TRRAP: variants seen among roughly 807,000 people sequenced by gnomAD.
TRRAP encodes the protein transformation/transcription domain-associated protein.
Under a neutral mutation model 438.8 loss-of-function variants are expected in TRRAP, and 41 were observed. The ratio of observed to expected loss-of-function variants is 0.09; its 90% CI spans 0.07 to 0.12. The LOEUF (loss-of-function observed/expected upper bound fraction) is 0.12. TRRAP is among the 10% of genes least tolerant of loss of function. TRRAP has a pLI of 1.00. For missense variants in TRRAP, 3,122 were observed against 5,055.1 expected (o/e 0.62, Z 11.60); for synonymous variants, 1,994 against 1,962.9 (o/e 1.02, Z -0.42).
intron 53 of TRRAP, among the ~76,000 whole-genome samples, chr7:98,974,075 T>A (rs1157899607): frequency 1.3e-5 from 2 of 152,210 alleles, no homozygotes; most frequent in Non-Finnish European, 2.9e-5. Flanking sequence ...TAGCTGGTCC[T>A]CAGTAGGGTG....
In TRRAP at chr7:98,976,234, G is replaced by C. The variant is rs1318205575; in HGVS notation, c.7925G>C (p.Arg2642Thr). 6.2e-7 allele frequency: 1 copy of C among 1,614,194 alleles called. No homozygotes were observed. Residue 2642 changes from arginine (R) to threonine (T), a missense_variant, in exon 54 of 73, where the codon AGA becomes ACA. Arg to Thr is a moderately conservative substitution (Grantham distance 71, BLOSUM62 -1). Coordinates refer to ENST00000456197, the MANE Select transcript of TRRAP (RefSeq NM_001375524.1). The surrounding 1 kb of genome is among the most constrained non-coding windows in gnomAD (Gnocchi z 4.6). ...AAGACGTGGGTCCAGCTTTTCCCCA[G>C]ATTGTGGAAGATCCTCTCTGACAGA... Reference protein sequence around the residue: ...AEKTWVQLFPRLWKILSDRQQ... With the variant: ...AEKTWVQLFPTLWKILSDRQQ...
intron 53 of TRRAP, among the ~76,000 whole-genome samples, chr7:98,973,937 T>TA (rs1437294545): frequency 6.6e-6 from 1 of 152,194 alleles, no homozygotes; most frequent in African/African-American, 2.4e-5. Context: ...TCCCTTCTCC[T>TA]TGGGTTCTTT....
chr7:98,948,804 C>T lies in TRRAP; in HGVS notation c.4788+119C>T. 2 of 1,497,786 alleles carry T rather than the reference C, an allele frequency of 1.3e-6. No homozygotes were observed. Among genetic ancestry groups the T allele is most frequent in the Non-Finnish European group, 1.8e-6 (2 of 1,114,354 alleles). 92.8% of individuals were successfully genotyped at this position (1,497,786 alleles called of 1,614,324 possible). On this transcript the variant is annotated intron_variant, in intron 35 of 72. Transcript: ENST00000456197. The surrounding 1 kb of genome is among the most constrained non-coding windows in gnomAD (Gnocchi z 4.9). ...GTCCTGGCTGCTTTTTTTTCAGATC[C>T]ATTTGAATATTGGAAACAGCATTGC...
chr7:98,947,830 G>T (rs1791154974), intron 33 of TRRAP, among the ~76,000 whole-genome samples: 1 of 152,218 alleles, frequency 6.6e-6, no homozygotes, highest in African/African-American at 2.4e-5. Context: ...TGATACCTTG[G>T]CAAAGTAGGG....
chr7:98,903,250 G>T (rs1045960966), intron 11 of TRRAP, 129 bp from the exon 12 acceptor site: 2 of 1,126,192 alleles, frequency 1.8e-6, no homozygotes, highest in Non-Finnish European at 2.5e-6. Flanking sequence ...TTGATCTCCT[G>T]ACCTCATGTG....
At position 98,945,752 on chromosome 7, in the gene TRRAP, C is replaced by T. The variant is rs1554416633; in HGVS notation, c.4479C>T (p.Ser1493=). Residue 1493 remains serine (S), a synonymous_variant, in exon 32 of 73, where the codon AGC becomes AGT. Coordinates refer to ENST00000456197, the MANE Select transcript of TRRAP (RefSeq NM_001375524.1). ...KGGQRSDGNE[S]ISECGRCPLS... ...ATTTTCCTCCCCATCCTCAGGAAAG[C>T]ATTTCCGAGTGCGGGAGATGTCCCT... is the stretch of plus-strand genomic sequence containing the variant. The T allele has an allele frequency of 3.8e-6, 6 of 1,598,124 alleles. No homozygotes were observed. Among genetic ancestry groups the T allele is most frequent in the South Asian group, 1.1e-5 (1 of 90,982 alleles).
chr7:98,954,742 C>A (rs897677452), intron 40 of TRRAP, among the ~76,000 whole-genome samples: 3 of 152,202 alleles, frequency 2.0e-5, no homozygotes, highest in Admixed American at 2.0e-4. Context: ...TCTTGTTGGC[C>A]CTGTTCACTT....
chr7:98,941,117 C>G (rs1158687112), intron 30 of TRRAP, among the ~76,000 whole-genome samples: 1 of 152,090 alleles, frequency 6.6e-6, no homozygotes. Flanking sequence ...ATATGATGTT[C>G]AGTTTCCTTA....
At chr7:99,007,646 G>C (rs956072681) in intron 69 of TRRAP, among the ~76,000 whole-genome samples, 3 of 150,938 alleles carry the variant, frequency 2.0e-5, no homozygotes, top group African/African-American at 7.3e-5. Flanking sequence ...ACCATGGCCA[G>C]CCATGTTTAT....
chr7:98,991,114 G>T (rs1187143947), intron 64 of TRRAP, among the ~76,000 whole-genome samples: 2 of 152,186 alleles, frequency 1.3e-5, no homozygotes, highest in Non-Finnish European at 2.9e-5. Flanking sequence ...CCAGGCCGGG[G>T]AAGCGGACAG....
Position 98,994,318 on chromosome 7 carries a change from A to G in TRRAP, c.10048-269A>G, listed in dbSNP as rs1793553334. On this transcript the variant is annotated intron_variant, in intron 66 of 72. Transcript: ENST00000456197. The surrounding 1 kb of genome is among the most constrained non-coding windows in gnomAD (Gnocchi z 4.8). ...TTTGTGGCTAATCGCAGACGGGTGTATGATCCAAAAAAGTGGGGCTTTTCT... is the reference window on the plus strand; with the variant it reads ...TTTGTGGCTAATCGCAGACGGGTGTGTGATCCAAAAAAGTGGGGCTTTTCT... 6.6e-6 allele frequency among the ~76,000 whole-genome samples: 1 copy of G among 152,188 alleles called. No homozygotes were observed. Among genetic ancestry groups the G allele is most frequent in the Non-Finnish European group, 1.5e-5 (1 of 68,036 alleles).
At chr7:98,923,305 A>G (rs1554410933) in intron 21 of TRRAP, among the ~76,000 whole-genome samples, 1 of 152,142 alleles carries the variant, frequency 6.6e-6, no homozygotes. Context: ...GGTTTTGCAG[A>G]GGTAGGATCG....
intron 30 of TRRAP, among the ~76,000 whole-genome samples, chr7:98,942,039 A>G (rs1158841937): frequency 1.3e-5 from 2 of 152,212 alleles, no homozygotes; most frequent in Non-Finnish European, 2.9e-5. Context: ...GGTAATAAAT[A>G]TGCAACTGTT....
chr7:98,929,803 T>G (rs535899428), intron 23 of TRRAP, among the ~76,000 whole-genome samples, 186 bp from the exon 24 acceptor site: 65 of 152,188 alleles, frequency 4.3e-4, no homozygotes, highest in African/African-American at 1.4e-3. Flanking sequence ...CATGTTGGAC[T>G]AGGCTGGTCT....
At chr7:98,883,721 C>A (rs552324865) in intron 3 of TRRAP, among the ~76,000 whole-genome samples, 2 of 152,222 alleles carry the variant, frequency 1.3e-5, no homozygotes, top group South Asian at 4.1e-4. Context: ...ACCATGTTGC[C>A]CAGGCTGGTC....
At chr7:98,998,100 C>T (rs1296019247) in intron 67 of TRRAP, among the ~76,000 whole-genome samples, 3 of 152,070 alleles carry the variant, frequency 2.0e-5, no homozygotes, top group Non-Finnish European at 4.4e-5. Flanking sequence ...GTATAATTTC[C>T]GTAAGGCTTT....
intron 30 of TRRAP, 87 bp downstream of exon 30, chr7:98,937,907 G>A: frequency 7.2e-7 from 1 of 1,394,244 alleles, no homozygotes; most frequent in Non-Finnish European, 9.4e-7. Flanking sequence ...GGGCACAGTG[G>A]TTCACGCCTG....
In TRRAP at chr7:98,950,922, A is replaced by G. The variant is rs1333016292; in HGVS notation, c.5381A>G (p.Lys1794Arg). The G allele has an allele frequency of 9.4e-6, 15 of 1,603,888 alleles. No homozygotes were observed. Among genetic ancestry groups the G allele is most frequent in the African/African-American group, 1.3e-5 (1 of 74,220 alleles). The change falls in exon 39 of 73, where the codon AAG becomes AGG. Residue 1794 changes from lysine (K) to arginine (R), a missense_variant. Physicochemically the swap from Lys to Arg is conservative, Grantham distance 26. Coordinates refer to ENST00000456197, the MANE Select transcript of TRRAP (RefSeq NM_001375524.1). ...CCTGCTTTCTTGTACAGCTTTGAGA[A>G]GGGGGAAGGAGAGCAGCTCTTGGGA... is the stretch of plus-strand genomic sequence containing the variant. ...LNPAFLYSFE[K>R]GEGEQLLGPP...
At chr7:98,881,367 G>A in intron 2 of TRRAP, 117 bp downstream of exon 2, 1 of 884,460 alleles carries the variant, frequency 1.1e-6, no homozygotes, top group South Asian at 2.0e-5. Flanking sequence ...GATGTCAGGA[G>A]TTTGGGACTA....
Sources: gnomAD v4.1 joint callset for allele counts (sites outside exome capture counted in the v4.1 genomes callset) on GRCh38, gnomAD v4.1.1 for gene constraint, Gnocchi (gnomAD v3.1) non-coding constraint, MANE v1.5 for transcripts, NCBI Gene and HGNC (gene_info 2026-07-23, HGNC 2026-07-21) for gene names.